The following HMCN1 variants were observed in gnomAD, a reference collection of about 807,000 sequenced individuals.
The protein encoded by HMCN1 is hemicentin 1.
A neutral mutation model predicts 625.9 loss-of-function variants in HMCN1; 321 were observed. The ratio of observed to expected loss-of-function variants is 0.51; its 90% CI spans 0.47 to 0.56. The LOEUF (loss-of-function observed/expected upper bound fraction) is 0.56. Ranked by LOEUF, HMCN1 falls within the 20% of genes least tolerant of loss-of-function variation. The pLI, the probability that HMCN1 is intolerant of heterozygous loss-of-function variation, is 0.00. For missense variants in HMCN1, 6,588 were observed against 6,887.3 expected (o/e 0.96, Z 1.54); for synonymous variants, 2,425 against 2,417.6 (o/e 1.00, Z -0.09).
chr1:185,870,447 C>T (rs1250358775), intron 4 of HMCN1, among the ~76,000 whole-genome samples: 1 of 152,154 alleles, frequency 6.6e-6, no homozygotes, highest in Non-Finnish European at 1.5e-5. Flanking sequence ...TTTCCCACCT[C>T]CGCCAACTCA....
chr1:185,945,434 T>A (rs1026584474), intron 11 of HMCN1, among the ~76,000 whole-genome samples: 1 of 152,346 alleles, frequency 6.6e-6, no homozygotes, highest in African/African-American at 2.4e-5. Flanking sequence ...AAAAAAATTG[T>A]CAGGCTTTGT....
At chr1:186,103,857 T>C (rs999433932) in intron 69 of HMCN1, among the ~76,000 whole-genome samples, 189 bp downstream of exon 69, 2 of 152,162 alleles carry the variant, frequency 1.3e-5, no homozygotes, top group Non-Finnish European at 2.9e-5. Context: ...AGCAGTATCA[T>C]ATTAAACTCC....
intron 1 of HMCN1, among the ~76,000 whole-genome samples, chr1:185,813,977 A>G (rs1659688799): frequency 6.6e-6 from 1 of 152,190 alleles, no homozygotes; most frequent in Non-Finnish European, 1.5e-5. Flanking sequence ...CAGATAAATT[A>G]TAGTGGGTTT....
At chr1:185,808,907 A>G (rs1659339017) in intron 1 of HMCN1, among the ~76,000 whole-genome samples, 1 of 152,206 alleles carries the variant, frequency 6.6e-6, no homozygotes, top group African/African-American at 2.4e-5. Context: ...AATAGGCAGT[A>G]TGTAATGGAT....
chr1:186,002,956 T>TCATCATTTCATC (rs1379000101), intron 28 of HMCN1, among the ~76,000 whole-genome samples: 1 of 152,142 alleles, frequency 6.6e-6, no homozygotes, highest in Non-Finnish European at 1.5e-5. Context: ...CATCCTTCTG[T>TCATCATTTCATC]GAAAGTCTAT....
chr1:186,134,966 C>T (rs1449325701), intron 86 of HMCN1, among the ~76,000 whole-genome samples: 1 of 152,150 alleles, frequency 6.6e-6, no homozygotes, highest in Non-Finnish European at 1.5e-5. Context: ...GGTGAACCTT[C>T]CTTTCTATTC....
intron 100 of HMCN1, among the ~76,000 whole-genome samples, chr1:186,169,822 T>C (rs769243290): frequency 6.6e-6 from 1 of 152,030 alleles, no homozygotes; most frequent in Non-Finnish European, 1.5e-5. Context: ...AAAGTCGAAA[T>C]TGACAATGCG....
chr1:185,826,810 T>TATGTC (rs1660540831), intron 1 of HMCN1, among the ~76,000 whole-genome samples: 1 of 152,138 alleles, frequency 6.6e-6, no homozygotes, highest in African/African-American at 2.4e-5. Context: ...TAGCCTGGAA[T>TATGTC]ATGTCTCCAT....
chr1:186,148,094 A>G (rs1418227968), intron 93 of HMCN1, among the ~76,000 whole-genome samples: 1 of 152,218 alleles, frequency 6.6e-6, no homozygotes, highest in Non-Finnish European at 1.5e-5. Context: ...TTTATGTAAT[A>G]TTTTAAGTCC....
chr1:186,141,020 C>T (rs1474250702), intron 89 of HMCN1, among the ~76,000 whole-genome samples: 2 of 152,100 alleles, frequency 1.3e-5, no homozygotes. Flanking sequence ...AAGCCCTGAG[C>T]ATGTTTTCCT....
chr1:186,074,602 G>C, intron 52 of HMCN1, 139 bp from the exon 53 acceptor site: 1 of 728,484 alleles, frequency 1.4e-6, no homozygotes, highest in South Asian at 1.8e-5. Context: ...CAATTATTTT[G>C]ATTAAACTAT....
At chr1:185,841,571 C>T (rs1414123333) in intron 1 of HMCN1, among the ~76,000 whole-genome samples, 1 of 152,156 alleles carries the variant, frequency 6.6e-6, no homozygotes, top group Non-Finnish European at 1.5e-5. Context: ...TTTCCTCCTC[C>T]TTCCTCCTAT....
chr1:186,080,422 G>A (rs1212130144), intron 55 of HMCN1, among the ~76,000 whole-genome samples: 1 of 152,152 alleles, frequency 6.6e-6, no homozygotes, highest in African/African-American at 2.4e-5. Context: ...GTCAACATGT[G>A]TTCCTAGTTC....
chr1:186,033,235 A>C (rs1200922253), intron 36 of HMCN1, among the ~76,000 whole-genome samples: 1 of 152,146 alleles, frequency 6.6e-6, no homozygotes, highest in Non-Finnish European at 1.5e-5. Flanking sequence ...TTTAAGTAGG[A>C]GCTAAGCCAT....
At chr1:185,956,015 G>T (rs972989772) in intron 11 of HMCN1, among the ~76,000 whole-genome samples, 1 of 151,808 alleles carries the variant, frequency 6.6e-6, no homozygotes, top group Admixed American at 6.6e-5. Context: ...CTCTTTGTTC[G>T]GTTATCCTCT....
intron 11 of HMCN1, among the ~76,000 whole-genome samples, chr1:185,951,122 G>A (rs1668639848): frequency 6.6e-6 from 1 of 151,612 alleles, no homozygotes; most frequent in Non-Finnish European, 1.5e-5. Flanking sequence ...AGGGAGTAGA[G>A]GTATCTTATA....
rs1456777774 is a variant in HMCN1, at chr1:186,016,233, G to T, written c.5185G>T (p.Val1729Phe). ...GEKEIKYEVD[V>F]LVPPAIEGGD... ...AAAGGAAATCAAATATGAAGTTGAT[G>T]TCTTGGGTAAATAAGGATGCCACTG... is the stretch of plus-strand genomic sequence containing the variant. The change falls in exon 32 of 107, where the codon GTC becomes TTC. Residue 1729 changes from valine to phenylalanine, a missense_variant. Physicochemically the swap from Val to Phe is conservative, Grantham distance 50. Around this residue, in one of 3 missense-constraint regions of HMCN1, gnomAD observed 4,628 missense variants for 4,853.1 expected, o/e 0.95. Coordinates refer to ENST00000271588, the MANE Select transcript of HMCN1 (RefSeq NM_031935.3). 2 of 1,612,234 alleles carry T rather than the reference G, an allele frequency of 1.2e-6. No individual in the cohort carries two copies. Among genetic ancestry groups the T allele is most frequent in the Non-Finnish European group, 1.7e-6 (2 of 1,178,668 alleles).
At chr1:185,922,118 G>A (rs1315842600) in intron 6 of HMCN1, among the ~76,000 whole-genome samples, 4 of 152,088 alleles carry the variant, frequency 2.6e-5, no homozygotes, top group Non-Finnish European at 4.4e-5. Flanking sequence ...ATTCACTAGT[G>A]ACTAAACCCT....
intron 1 of HMCN1, among the ~76,000 whole-genome samples, chr1:185,836,767 A>G (rs1661196023): frequency 6.6e-6 from 1 of 151,412 alleles, no homozygotes; most frequent in Non-Finnish European, 1.5e-5. Context: ...AGTTTTTCAA[A>G]CCTCACCCTC....
Sources: gnomAD v4.1 joint callset for allele counts (sites outside exome capture counted in the v4.1 genomes callset) on GRCh38, gnomAD v4.1.1 for gene constraint, gnomAD v4.1.1 regional missense constraint, MANE v1.5 for transcripts, NCBI Gene and HGNC (gene_info 2026-07-23, HGNC 2026-07-21) for gene names.